The following NELL2 variants were observed in gnomAD, a reference collection of about 807,000 sequenced individuals.
NELL2 encodes the protein protein kinase C-binding protein NELL2.
NELL2 carries 41 observed loss-of-function variants against 109.6 expected under a neutral mutation model. The ratio of observed to expected loss-of-function variants is 0.37; its 90% CI spans 0.29 to 0.49. The LOEUF is 0.49. NELL2 is among the 20% of genes least tolerant of loss of function. The pLI is 0.98. For synonymous variants in NELL2, 355 were observed against 344.7 expected, an observed-to-expected ratio of 1.03 and a Z score of -0.33; for missense variants, 900 against 1,008.3, an observed-to-expected ratio of 0.89 and a Z score of 1.45.
At chr12:44,629,930 AG>A (rs1428995439) in intron 13 of NELL2, among the ~76,000 whole-genome samples, 2 of 152,164 alleles carry the variant, frequency 1.3e-5, no homozygotes, top group Non-Finnish European at 1.5e-5. Flanking sequence ...GACATTTCCA[AG>A]TAGAATCACA....
chr12:44,706,515 T>G (rs184560543), intron 11 of NELL2, among the ~76,000 whole-genome samples: 1 of 152,330 alleles, frequency 6.6e-6, no homozygotes, highest in East Asian at 1.9e-4. Flanking sequence ...ATCTGATCTC[T>G]GCCACTAACT....
chr12:44,637,821 AAAGTATGTAGAGCAATGC>A (rs920903575), intron 13 of NELL2, among the ~76,000 whole-genome samples: 2 of 151,900 alleles, frequency 1.3e-5, no homozygotes, highest in African/African-American at 4.8e-5. Context: ...AATGAGAAAA[AAAGTATGTAGAGCAATGC>A]AATGCAGCCT....
At chr12:44,652,436 C>T (rs1178689467) in intron 13 of NELL2, among the ~76,000 whole-genome samples, 4 of 152,092 alleles carry the variant, frequency 2.6e-5, no homozygotes, top group Admixed American at 2.6e-4. Context: ...TTGAGCACCC[C>T]TCATTTTTAC....
At chr12:44,876,963 C>G (rs372220640), upstream of NELL2, 24 of 1,104,984 alleles carry the variant, frequency 2.2e-5, no homozygotes, top group Middle Eastern at 7.2e-4. Flanking sequence ...TTCCCGGGCG[C>G]GGAGAGCGCA....
chr12:44,771,164 T>C (rs1941532148), intron 9 of NELL2, among the ~76,000 whole-genome samples: 2 of 152,074 alleles, frequency 1.3e-5, no homozygotes, highest in South Asian at 4.1e-4. Context: ...TGTTTGCTAG[T>C]TGAGAGCCTG....
intron 19 of NELL2, among the ~76,000 whole-genome samples, chr12:44,516,383 A>G (rs1592054682): frequency 6.6e-6 from 1 of 152,224 alleles, no homozygotes; most frequent in South Asian, 2.1e-4. Flanking sequence ...TTGTGTGTGT[A>G]TATGGGGGTG....
intron 13 of NELL2, among the ~76,000 whole-genome samples, chr12:44,636,993 G>A (rs1483660048): frequency 6.6e-6 from 1 of 152,112 alleles, no homozygotes; most frequent in Non-Finnish European, 1.5e-5. Flanking sequence ...GGGTGTATGT[G>A]TCCAGGAATT....
At chr12:44,729,616 C>T (rs931727244) in intron 9 of NELL2, among the ~76,000 whole-genome samples, 4 of 149,074 alleles carry the variant, frequency 2.7e-5, no homozygotes, top group Non-Finnish European at 4.4e-5. Context: ...AAAGACTTAC[C>T]TAAGATTTAA....
chr12:44,857,291 C>T (rs1944711189), intron 2 of NELL2, among the ~76,000 whole-genome samples: 1 of 152,152 alleles, frequency 6.6e-6, no homozygotes, highest in Admixed American at 6.5e-5. Flanking sequence ...GACAGTAAAT[C>T]ATGTAACGAC....
At chr12:44,593,637 T>C (rs1395794944) in intron 15 of NELL2, among the ~76,000 whole-genome samples, 1 of 152,176 alleles carries the variant, frequency 6.6e-6, no homozygotes, top group African/African-American at 2.4e-5. Context: ...CTGGGTCAAA[T>C]GGTATTTCTG....
intron 9 of NELL2, among the ~76,000 whole-genome samples, chr12:44,762,064 C>G (rs568643561): frequency 1.3e-5 from 2 of 151,886 alleles, no homozygotes; most frequent in Admixed American, 6.6e-5. Context: ...TAAAACACAA[C>G]AAAAAAATAG....
At chr12:44,681,071 C>T (rs972300456) in intron 12 of NELL2, among the ~76,000 whole-genome samples, 35 of 150,474 alleles carry the variant, frequency 2.3e-4, no homozygotes, top group Middle Eastern at 6.9e-3. Context: ...TTTTTATTGT[C>T]GTAAACTTTT....
chr12:44,623,085 A>C (rs1946115872), intron 13 of NELL2, among the ~76,000 whole-genome samples: 1 of 152,108 alleles, frequency 6.6e-6, no homozygotes. Flanking sequence ...TGATGTTATA[A>C]ATACGTGTTA....
Position 44,586,284 on chromosome 12 carries a change from T to TTA in NELL2, c.1663+20883_1663+20884dup, listed in dbSNP as rs1164270896. ...AGAAGCAATGAACTTTGCAGTGTGATTATATATATATAGATATATACACAC... is the reference window on the plus strand; with the variant it reads ...AGAAGCAATGAACTTTGCAGTGTGATTATATATATATATAGATATATACACAC... On this transcript the variant is annotated intron_variant, in intron 15 of 19. Coordinates refer to ENST00000429094, the MANE Select transcript of NELL2 (RefSeq NM_001145108.2). 1.7e-4 allele frequency among the ~76,000 whole-genome samples: 26 copies of TTA among 149,010 alleles called. No individual in the cohort carries two copies. The South Asian group carries it at 3.8e-3, about 22-fold the overall frequency.
chr12:44,607,430 AC>A (rs2136246800), intron 14 of NELL2, among the ~76,000 whole-genome samples, 166 bp from the exon 15 acceptor site: 1 of 152,240 alleles, frequency 6.6e-6, no homozygotes, highest in Non-Finnish European at 1.5e-5. Context: ...AAACTTCAAC[AC>A]AACTTGTAAA....
chr12:44,588,665 T>C (rs74078478), intron 15 of NELL2, among the ~76,000 whole-genome samples: 2,550 of 152,330 alleles, frequency 0.017, 50 homozygotes, highest in African/African-American at 0.056. Flanking sequence ...ATTTATATGC[T>C]TTCTTTCTTT....
chr12:44,545,473 T>C (rs1052751910), intron 15 of NELL2, among the ~76,000 whole-genome samples: 1 of 152,088 alleles, frequency 6.6e-6, no homozygotes, highest in Non-Finnish European at 1.5e-5. Flanking sequence ...CAAGAGTTCA[T>C]AGTCTTATAA....
intron 1 of NELL2, among the ~76,000 whole-genome samples, chr12:44,911,353 AT>A (rs1278596802): frequency 2.6e-5 from 4 of 152,194 alleles, no homozygotes; most frequent in African/African-American, 9.6e-5. Context: ...CTATTAAAAA[AT>A]AACAAGAACA....
intron 13 of NELL2, among the ~76,000 whole-genome samples, chr12:44,638,855 A>G (rs1046717673): frequency 7.2e-5 from 11 of 152,222 alleles, no homozygotes; most frequent in African/African-American, 2.7e-4. Context: ...GAAGTAGTCT[A>G]TATCAGCACT....
Sources: allele counts gnomAD v4.1 joint callset (sites outside exome capture counted in the v4.1 genomes callset), GRCh38; gene constraint gnomAD v4.1.1; transcripts MANE v1.5; gene names NCBI Gene and HGNC (gene_info 2026-07-23, HGNC 2026-07-21).